DNAH14: variants seen among roughly 807,000 people sequenced by gnomAD.
DNAH14 encodes the protein axonemal beta dynein heavy chain 14.
In DNAH14, 478 loss-of-function variants were observed where a neutral mutation model predicts 520.9. The ratio of observed to expected loss-of-function variants is 0.92; its 90% CI spans 0.85 to 0.99. The LOEUF is 0.99. Among genes scored for constraint, DNAH14 ranks in the 50% least tolerant of loss-of-function variants. DNAH14 has a pLI of 0.00. For synonymous variants in DNAH14, 1,581 were observed against 1,757.2 expected, an observed-to-expected ratio of 0.90 and a Z score of 2.51; for missense variants, 4,831 against 5,234.5, an observed-to-expected ratio of 0.92 and a Z score of 2.38.
intron 8 of DNAH14, among the ~76,000 whole-genome samples, chr1:224,974,945 A>G (rs1348603163): frequency 6.6e-6 from 1 of 151,978 alleles, no homozygotes; most frequent in Non-Finnish European, 1.5e-5. Context: ...AGCGTTGTTG[A>G]ATTTTGTCAA....
At chr1:225,130,771 G>A (rs1167482944) in intron 27 of DNAH14, among the ~76,000 whole-genome samples, 2 of 150,794 alleles carry the variant, frequency 1.3e-5, no homozygotes, top group African/African-American at 4.9e-5. Flanking sequence ...GTATACATAT[G>A]TAACTAACCT....
intron 36 of DNAH14, among the ~76,000 whole-genome samples, chr1:225,175,894 G>T (rs1215038686): frequency 6.6e-6 from 1 of 151,770 alleles, no homozygotes; most frequent in Admixed American, 6.6e-5. Context: ...GAGTAGCTGG[G>T]ACTACAGGCA....
intron 17 of DNAH14, among the ~76,000 whole-genome samples, chr1:225,058,269 G>A (rs993351802): frequency 2.6e-5 from 4 of 152,172 alleles, no homozygotes; most frequent in Non-Finnish European, 5.9e-5. Flanking sequence ...GAGGGTGTGT[G>A]TGTCAAGGAA....
intron 54 of DNAH14, among the ~76,000 whole-genome samples, chr1:225,287,630 G>T (rs1013840569): frequency 6.6e-6 from 1 of 152,134 alleles, no homozygotes; most frequent in Non-Finnish European, 1.5e-5. Context: ...TGTGTCAGCT[G>T]GGAGGGCTTA....
chr1:225,206,277 C>T, intron 40 of DNAH14, 98 bp downstream of exon 40: 1 of 1,110,364 alleles, frequency 9.0e-7, no homozygotes. Flanking sequence ...TTTATTTTTA[C>T]CTTTGTATCC....
chr1:225,102,826 G>A (rs940900992), intron 23 of DNAH14, among the ~76,000 whole-genome samples: 2 of 151,940 alleles, frequency 1.3e-5, no homozygotes, highest in African/African-American at 4.8e-5. Flanking sequence ...AAAATTTTCT[G>A]CCATCCTGTA....
At position 225,377,267 on chromosome 1, in the gene DNAH14, A is replaced by T; in HGVS notation, c.12547A>T (p.Ile4183Leu). The change falls in exon 79 of 86, where the codon ATA (isoleucine) becomes TTA (leucine). Residue 4183 changes from isoleucine to leucine, a missense_variant. Ile to Leu is a conservative substitution (Grantham distance 5, BLOSUM62 2). Transcript: ENST00000682510. ...ICLPVPGSAS[I>L]KDYIHIIQSL... ...TCTGCCAGTTCCAGGATCTGCAAGC[A>T]TAAAGGACTACATACACATTATCCA... 6.9e-7 allele frequency: 1 copy of T among 1,450,930 alleles called. No homozygotes were observed. Among genetic ancestry groups the T allele is most frequent in the South Asian group, 1.5e-5 (1 of 67,468 alleles). 89.9% of individuals were successfully genotyped at this position (1,450,930 alleles called of 1,614,324 possible). A position where few individuals can be genotyped will look rare whatever the true frequency, so the allele number is the denominator to read the frequency against.
At chr1:224,988,989 A>G (rs1484044131) in intron 8 of DNAH14, among the ~76,000 whole-genome samples, 3 of 152,168 alleles carry the variant, frequency 2.0e-5, no homozygotes, top group Non-Finnish European at 4.4e-5. Flanking sequence ...GCATTCCCAG[A>G]ATAATGGCAT....
intron 8 of DNAH14, among the ~76,000 whole-genome samples, chr1:224,978,368 G>A (rs2062016049): frequency 6.6e-6 from 1 of 152,200 alleles, no homozygotes; most frequent in Admixed American, 6.5e-5. Context: ...AGATGGATGA[G>A]TTTGGAGGAC....
chr1:225,331,919 G>T (rs2094806625), intron 65 of DNAH14, among the ~76,000 whole-genome samples: 1 of 151,966 alleles, frequency 6.6e-6, no homozygotes, highest in Admixed American at 6.5e-5. Flanking sequence ...TAAAACATGG[G>T]TGGAACCACA....
intron 78 of DNAH14, 131 bp downstream of exon 78, chr1:225,375,016 G>A (rs935362966): frequency 1.2e-6 from 1 of 811,838 alleles, no homozygotes. Context: ...TCAGTAGTAT[G>A]GAAGTAATTT....
In DNAH14 at chr1:224,938,242, A is replaced by G. The variant is rs113149245; in HGVS notation, c.-34+8407A>G. ...TTCCACACAGCAAAAGAAACAATCAACAGAGTGAATAGACAATCTACAGAA... is the reference window on the plus strand; with the variant it reads ...TTCCACACAGCAAAAGAAACAATCAGCAGAGTGAATAGACAATCTACAGAA... On this transcript the variant is annotated intron_variant, in intron 1 of 85. Transcript: ENST00000682510. Among the ~76,000 whole-genome samples, 589 of 152,338 alleles carry G rather than the reference A, an allele frequency of 3.9e-3. 5 individuals carry two copies. Among genetic ancestry groups the G allele is most frequent in the African/African-American group, 0.013 (557 of 41,580 alleles).
intron 52 of DNAH14, among the ~76,000 whole-genome samples, chr1:225,274,194 GTTATT>G (rs1381460968): frequency 1.7e-5 from 2 of 120,330 alleles, no homozygotes; most frequent in African/African-American, 3.4e-5. Flanking sequence ...ACCAGCATCT[GTTATT>G]TTTTTTTTTT....
At chr1:225,356,339 T>G (rs982203482) in intron 73 of DNAH14, among the ~76,000 whole-genome samples, 2 of 152,218 alleles carry the variant, frequency 1.3e-5, no homozygotes, top group Admixed American at 1.3e-4. Context: ...TTTGGCCCAG[T>G]GCACTACAGT....
chr1:225,274,197 A>ATTTTTTTTTTTTTTTTTTTTTTTTTTTT (rs869247051), intron 52 of DNAH14, among the ~76,000 whole-genome samples: 1 of 92,886 alleles, frequency 1.1e-5, no homozygotes, highest in Non-Finnish European at 2.1e-5. Flanking sequence ...AGCATCTGTT[A>ATTTTTTTTTTTTTTTTTTTTTTTTTTTT]TTTTTTTTTT....
rs371645243 is a variant in DNAH14 at position 225,189,685 on chromosome 1, G to C, written c.5671-3011G>C. ...CTGTGTATTTGAACTATTGTCTTTGGGTCTAAAGTCAGTCTCTTGTATGCA... is the reference window on the plus strand; with the variant it reads ...CTGTGTATTTGAACTATTGTCTTTGCGTCTAAAGTCAGTCTCTTGTATGCA... On this transcript the variant is annotated intron_variant, in intron 37 of 85. Coordinates refer to ENST00000682510, the MANE Select transcript of DNAH14 (RefSeq NM_001367479.1). 2.0e-5 allele frequency among the ~76,000 whole-genome samples: 3 copies of C among 151,106 alleles called. No homozygotes were observed. The East Asian group carries it at 5.8e-4, about 29-fold the overall frequency.
intron 65 of DNAH14, among the ~76,000 whole-genome samples, chr1:225,333,054 G>A (rs544007131): frequency 4.6e-5 from 7 of 152,156 alleles, no homozygotes; most frequent in Non-Finnish European, 1.0e-4. Context: ...ATTTTAAATG[G>A]CTGTGTATCT....
At chr1:225,217,315 G>C (rs929013000) in intron 41 of DNAH14, among the ~76,000 whole-genome samples, 1 of 152,192 alleles carries the variant, frequency 6.6e-6, no homozygotes, top group African/African-American at 2.4e-5. Flanking sequence ...GACCCCTACT[G>C]GGAGGTGTCT....
At chr1:225,114,565 A>G (rs565337973) in intron 23 of DNAH14, among the ~76,000 whole-genome samples, 1 of 152,156 alleles carries the variant, frequency 6.6e-6, no homozygotes, top group Admixed American at 6.6e-5. Flanking sequence ...GGACTTGCCT[A>G]GGACTTGCAG....
Sources: allele counts gnomAD v4.1 joint callset (sites outside exome capture counted in the v4.1 genomes callset), GRCh38; gene constraint gnomAD v4.1.1; transcripts MANE v1.5; gene names NCBI Gene and HGNC (gene_info 2026-07-23, HGNC 2026-07-21).